Variants in DOCK8 observed in about 807,000 individuals in gnomAD.
DOCK8 encodes dedicator of cytokinesis protein 8.
A neutral mutation model predicts 245.6 loss-of-function variants in DOCK8; 141 were observed. That is an observed-to-expected ratio of 0.57 (90% CI 0.50 to 0.66). The LOEUF (loss-of-function observed/expected upper bound fraction) is 0.66. DOCK8 is among the 30% of genes least tolerant of loss of function. The probability of loss-of-function intolerance (pLI) is 0.00; values close to 1 mark genes in which losing one functional copy is unlikely to be tolerated. For missense variants in DOCK8, 2,965 were observed against 2,603.4 expected (o/e 1.14, Z -3.02); for synonymous variants, 1,168 against 970.2 (o/e 1.20, Z -3.79).
intron 28 of DOCK8, among the ~76,000 whole-genome samples, chr9:413,831 T>A (rs2055864865): frequency 1.3e-5 from 2 of 152,198 alleles, no homozygotes; most frequent in Non-Finnish European, 2.9e-5. Context: ...GAAAACAACT[T>A]GCTGATTCCT....
intron 1 of DOCK8, among the ~76,000 whole-genome samples, chr9:220,508 A>G (rs567909301): frequency 1.3e-5 from 2 of 152,296 alleles, no homozygotes; most frequent in South Asian, 4.1e-4. Flanking sequence ...GATGATGTTA[A>G]AAACACCTCA....
In DOCK8 at chr9:328,135, C is replaced by G; in HGVS notation, c.1008C>G (p.Val336=). The part of the protein sequence containing the change: ...SSQARSAVFS[V]TYPSSDIYLV... The stretch of plus-strand genomic sequence containing the variant: ...AGGCGAGATCTGCAGTCTTCTCAGT[C>G]ACCTACCCGTCCTCAGACATCTACC... The change falls in exon 9 of 48, where the codon GTC becomes GTG. Residue 336 remains valine (V), a synonymous_variant. Transcript: ENST00000432829. 1 of 1,614,166 alleles carries G rather than the reference C, an allele frequency of 6.2e-7. No homozygotes were observed. Among genetic ancestry groups the G allele is most frequent in the East Asian group, 2.2e-5 (1 of 44,874 alleles).
chr9:455,779 T>G (rs2057619569), intron 46 of DOCK8, among the ~76,000 whole-genome samples: 1 of 151,248 alleles, frequency 6.6e-6, no homozygotes, highest in Non-Finnish European at 1.5e-5. Context: ...AATAAATAAA[T>G]AAATAAATAA....
At chr9:280,759 A>C (rs2048545006) in intron 2 of DOCK8, 1 of 152,232 alleles carries the variant, frequency 6.6e-6, no homozygotes, top group Admixed American at 6.5e-5. Context: ...TGTATGCTAC[A>C]AAATGGCTGC....
intron 1 of DOCK8, chr9:215,625 A>G (rs1203218114): frequency 2.0e-6 from 1 of 509,386 alleles, no homozygotes; most frequent in Non-Finnish European, 3.2e-6. Flanking sequence ...TAAAAAATCT[A>G]CACTTAAATA....
At chr9:327,917 C>A in intron 8 of DOCK8, 105 bp from the exon 9 acceptor site, 1 of 1,070,314 alleles carries the variant, frequency 9.3e-7, no homozygotes, top group Non-Finnish European at 1.4e-6. Flanking sequence ...ATTACACTTA[C>A]TCCTTCAGCA....
At position 312,659 on chromosome 9, in the gene DOCK8, A is replaced by G. The variant is rs144257836; in HGVS notation, c.741+493A>G. Reference sequence around the variant, plus strand: ...AGGATAATCACAGCCCATGCTCCCAATGTATAGAACTTTGGGATCTTGATT... The same window carrying G: ...AGGATAATCACAGCCCATGCTCCCAGTGTATAGAACTTTGGGATCTTGATT... On this transcript the variant is annotated intron_variant, in intron 6 of 47. Transcript: ENST00000432829. 15 of 354,998 alleles carry G rather than the reference A, an allele frequency of 4.2e-5. No individual in the cohort carries two copies. The East Asian group carries it at 9.7e-4, about 23-fold the overall frequency. The allele number at this position is 354,998 out of a possible 1,614,324, so 22.0% of individuals were successfully genotyped here. A position where few individuals can be genotyped will look rare whatever the true frequency, so the allele number is the denominator to read the frequency against.
intron 1 of DOCK8, among the ~76,000 whole-genome samples, chr9:257,610 T>G (rs1025558435): frequency 5.3e-5 from 8 of 152,122 alleles, no homozygotes; most frequent in Admixed American, 2.0e-4. Context: ...CCCTCAGCCT[T>G]CCAGGTTCAA....
At chr9:305,438 A>G (rs10122789) in intron 5 of DOCK8, among the ~76,000 whole-genome samples, 25,067 of 151,400 alleles carry the variant, frequency 0.17, 2,308 homozygotes, top group Non-Finnish European at 0.19. Flanking sequence ...TCCCGCCACC[A>G]CGCCCAGCTA....
At chr9:346,739 T>C (rs10971641) in intron 14 of DOCK8, among the ~76,000 whole-genome samples, 85,196 of 151,958 alleles carry the variant, frequency 0.56, 24,972 homozygotes, top group East Asian at 0.84. Context: ...CATATCGCAG[T>C]GGAGTCTTAA....
intron 4 of DOCK8, among the ~76,000 whole-genome samples, chr9:289,952 A>G (rs996495117): frequency 1.3e-5 from 2 of 152,174 alleles, no homozygotes; most frequent in Non-Finnish European, 2.9e-5. Context: ...TGCCCTAAAA[A>G]TCCTCTGTGT....
At chr9:286,917 G>A (rs1312293080) in intron 3 of DOCK8, among the ~76,000 whole-genome samples, 1 of 152,126 alleles carries the variant, frequency 6.6e-6, no homozygotes, top group East Asian at 1.9e-4. Flanking sequence ...GCAGGCTCTG[G>A]AGCCAGACCA....
rs765785975 is a variant in DOCK8, at chr9:442,004, C to G, written c.5485C>G (p.Leu1829Val). The G allele has an allele frequency of 6.2e-7, 1 of 1,613,938 alleles. No individual in the cohort carries two copies. Among genetic ancestry groups the G allele is most frequent in the South Asian group, 1.1e-5 (1 of 91,068 alleles). Residue 1829 changes from leucine to valine, a missense_variant, in exon 42 of 48, where the codon CTA (leucine) becomes GTA (valine). By Grantham distance (32) the Leu-to-Val change is conservative (BLOSUM62 1). Transcript: ENST00000432829. ...ITKLPEISHRLEAFYGQCFGA... is the reference protein window; with the variant it reads ...ITKLPEISHRVEAFYGQCFGA... ...CAAGCTTCCTGAGATCTCACATAGA[C>G]TAGAGGTAAGAAAAGTGATTCTGTG... is the stretch of plus-strand genomic sequence containing the variant.
chr9:392,252 A>T (rs985489428), intron 24 of DOCK8, among the ~76,000 whole-genome samples: 4 of 152,172 alleles, frequency 2.6e-5, no homozygotes, highest in African/African-American at 9.7e-5. Flanking sequence ...GAACAATAGG[A>T]CACAGAGAAC....
At chr9:445,735 T>G (rs1210957017) in intron 43 of DOCK8, among the ~76,000 whole-genome samples, 1 of 62,262 alleles carries the variant, frequency 1.6e-5, no homozygotes, top group East Asian at 5.1e-3. Flanking sequence ...TTGGGTTGTT[T>G]CTAGTCTTTG....
chr9:335,672 A>G (rs1276652914), intron 11 of DOCK8, among the ~76,000 whole-genome samples: 2 of 152,092 alleles, frequency 1.3e-5, no homozygotes, highest in African/African-American at 2.4e-5. Flanking sequence ...AAGCTAGGTA[A>G]TTCAGGATAG....
intron 12 of DOCK8, among the ~76,000 whole-genome samples, chr9:338,589 G>A (rs73639056): frequency 0.034 from 5,111 of 152,210 alleles, 290 homozygotes; most frequent in African/African-American, 0.11. Context: ...AACCTTGTTC[G>A]AGACAAATGT....
chr9:394,017 C>T (rs2054324828), intron 24 of DOCK8, among the ~76,000 whole-genome samples: 1 of 152,076 alleles, frequency 6.6e-6, no homozygotes, highest in African/African-American at 2.4e-5. Flanking sequence ...GCAGATGAGA[C>T]AATCTTAGAA....
In DOCK8 at chr9:309,390, G is replaced by C. The variant is rs547286431; in HGVS notation, c.529-2564G>C. The stretch of plus-strand genomic sequence containing the variant: ...AGGTAGATGTCACAAAAAATGTGTA[G>C]TATGGAGAAATTGTCCAGTAGTATG... On this transcript the variant is annotated intron_variant, in intron 5 of 47. Coordinates refer to ENST00000432829, the MANE Select transcript of DOCK8 (RefSeq NM_203447.4). Among the ~76,000 whole-genome samples, 510 of 152,262 alleles carry C rather than the reference G, an allele frequency of 3.3e-3. 3 individuals are homozygous for C. The highest frequency in any genetic ancestry group is 0.012 in the African/African-American group (495 of 41,544).
Sources: gnomAD v4.1 joint callset for allele counts (sites outside exome capture counted in the v4.1 genomes callset) on GRCh38, gnomAD v4.1.1 for gene constraint, MANE v1.5 for transcripts, NCBI Gene and HGNC (gene_info 2026-07-23, HGNC 2026-07-21) for gene names.